The following DOK6 variants were observed in gnomAD, a reference collection of about 807,000 sequenced individuals.
The protein encoded by DOK6 is downstream of tyrosine kinase 6.
A neutral mutation model predicts 44.0 loss-of-function variants in DOK6; 22 were observed. The observed-to-expected ratio is 0.50, with a 90% CI of 0.36 to 0.71. The LOEUF is 0.71. Ranked by LOEUF, DOK6 falls within the 30% of genes least tolerant of loss-of-function variation. The pLI, the probability that DOK6 is intolerant of heterozygous loss-of-function variation, is 0.00. For missense variants in DOK6, 340 were observed against 416.4 expected (o/e 0.82, Z 1.60); for synonymous variants, 166 against 145.5 (o/e 1.14, Z -1.01).
intron 1 of DOK6, among the ~76,000 whole-genome samples, chr18:69,563,582 A>G (rs1568297492): frequency 2.1e-5 from 3 of 145,440 alleles, no homozygotes; most frequent in East Asian, 2.2e-4. Context: ...GTTCTCACTC[A>G]TAGGTGGGAA....
At chr18:69,764,271 C>A (rs1456708202) in intron 7 of DOK6, among the ~76,000 whole-genome samples, 1 of 152,126 alleles carries the variant, frequency 6.6e-6, no homozygotes, top group East Asian at 1.9e-4. Flanking sequence ...ATGAGCTGAA[C>A]ACAGTGCCCA....
intron 1 of DOK6, among the ~76,000 whole-genome samples, chr18:69,524,276 A>C (rs531652735): frequency 1.3e-5 from 2 of 152,182 alleles, no homozygotes; most frequent in East Asian, 3.9e-4. Flanking sequence ...CATTCTATTC[A>C]ATTACACAAC....
intron 1 of DOK6, among the ~76,000 whole-genome samples, chr18:69,500,308 T>C (rs1174232609): frequency 6.6e-6 from 1 of 152,178 alleles, no homozygotes; most frequent in African/African-American, 2.4e-5. Flanking sequence ...TTGTACTTGC[T>C]CCCTCCTCAA....
intron 3 of DOK6, among the ~76,000 whole-genome samples, chr18:69,616,750 A>C (rs1470250250): frequency 6.6e-6 from 1 of 152,198 alleles, no homozygotes; most frequent in Non-Finnish European, 1.5e-5. Context: ...CTCACTTCCA[A>C]GTTTTACCAT....
At chr18:69,593,883 C>A (rs979221386) in intron 2 of DOK6, among the ~76,000 whole-genome samples, 1 of 151,918 alleles carries the variant, frequency 6.6e-6, no homozygotes, top group Non-Finnish European at 1.5e-5. Context: ...TTGTGTTTAT[C>A]TTTTTATGTA....
intron 1 of DOK6, among the ~76,000 whole-genome samples, chr18:69,547,245 C>G (rs1030284703): frequency 1.3e-5 from 2 of 151,288 alleles, no homozygotes; most frequent in Admixed American, 6.6e-5. Flanking sequence ...GGATTACAGA[C>G]GCGCACCACC....
chr18:69,770,864 C>A (rs1318563369), intron 7 of DOK6, among the ~76,000 whole-genome samples: 2 of 151,570 alleles, frequency 1.3e-5, no homozygotes, highest in African/African-American at 2.4e-5. Context: ...CTAAATATTT[C>A]CTTTTCTTTT....
intron 5 of DOK6, among the ~76,000 whole-genome samples, chr18:69,729,503 T>A (rs1978337820): frequency 1.3e-5 from 1 of 75,542 alleles, no homozygotes; most frequent in Admixed American, 1.5e-4. Flanking sequence ...GACTTTAGTA[T>A]TTTTTTTTCT....
chr18:69,627,899 C>G (rs1234421580), intron 3 of DOK6, among the ~76,000 whole-genome samples: 2 of 152,142 alleles, frequency 1.3e-5, no homozygotes, highest in African/African-American at 4.8e-5. Context: ...TTTTCAATAT[C>G]ATTATCCACA....
At chr18:69,742,571 T>A (rs1978841707) in intron 6 of DOK6, among the ~76,000 whole-genome samples, 1 of 152,186 alleles carries the variant, frequency 6.6e-6, no homozygotes, top group Non-Finnish European at 1.5e-5. Context: ...GAATAAAAAA[T>A]TAATATTAAC....
chr18:69,716,854 C>A lies in DOK6; in HGVS notation c.599+18261C>A, dbSNP rs1361525568. Among the ~76,000 whole-genome samples, 4 of 152,102 alleles carry A rather than the reference C, an allele frequency of 2.6e-5. No homozygotes were observed. In the East Asian group the frequency reaches 5.8e-4, roughly 22 times the overall value. The stretch of plus-strand genomic sequence containing the variant: ...ATTTCCAAATGGGTACCCAAGTGAT[C>A]AAAGCCATCGACTCCACCCAGCACC... On this transcript the variant is annotated intron_variant, in intron 5 of 7. Coordinates refer to ENST00000382713, the MANE Select transcript of DOK6 (RefSeq NM_152721.6).
intron 3 of DOK6, among the ~76,000 whole-genome samples, chr18:69,614,692 A>G (rs1261828685): frequency 6.6e-6 from 1 of 152,046 alleles, no homozygotes; most frequent in African/African-American, 2.4e-5. Context: ...CATCCGTGTT[A>G]CAGCTGTAGA....
intron 1 of DOK6, among the ~76,000 whole-genome samples, chr18:69,417,770 T>C (rs925294785): frequency 2.6e-5 from 4 of 152,216 alleles, no homozygotes; most frequent in African/African-American, 9.6e-5. Flanking sequence ...GGTGAGATAA[T>C]ATCTCATTGT....
chr18:69,728,931 C>T (rs1978327990), intron 5 of DOK6, among the ~76,000 whole-genome samples: 1 of 152,124 alleles, frequency 6.6e-6, no homozygotes, highest in Non-Finnish European at 1.5e-5. Flanking sequence ...ATTTTTGTGA[C>T]ATCAAGGACA....
At chr18:69,504,173 A>C (rs1981122150) in intron 1 of DOK6, among the ~76,000 whole-genome samples, 1 of 152,072 alleles carries the variant, frequency 6.6e-6, no homozygotes, top group Admixed American at 6.5e-5. Flanking sequence ...CTAGATGAGT[A>C]GGTAACTTAA....
intron 1 of DOK6, among the ~76,000 whole-genome samples, chr18:69,555,473 A>T (rs1982664750): frequency 6.6e-6 from 1 of 152,220 alleles, no homozygotes; most frequent in South Asian, 2.1e-4. Context: ...ATATTTATCC[A>T]ACTATCCCAG....
chr18:69,551,897 T>G (rs764555055), intron 1 of DOK6, among the ~76,000 whole-genome samples: 3 of 152,228 alleles, frequency 2.0e-5, no homozygotes, highest in African/African-American at 2.4e-5. Context: ...AGAAAATCAC[T>G]TCTAAAATGT....
intron 1 of DOK6, among the ~76,000 whole-genome samples, chr18:69,519,853 C>G (rs1351581277): frequency 6.6e-6 from 1 of 151,744 alleles, no homozygotes; most frequent in Admixed American, 6.6e-5. Flanking sequence ...CTGTATTATG[C>G]TGGCATTGTC....
intron 1 of DOK6, among the ~76,000 whole-genome samples, chr18:69,481,198 G>A (rs1980409716): frequency 6.6e-6 from 1 of 151,986 alleles, no homozygotes; most frequent in South Asian, 2.1e-4. Context: ...GAGATACCAA[G>A]TCACATGTGT....
Sources: allele counts gnomAD v4.1 joint callset (sites outside exome capture counted in the v4.1 genomes callset), GRCh38; gene constraint gnomAD v4.1.1; transcripts MANE v1.5; gene names NCBI Gene and HGNC (gene_info 2026-07-23, HGNC 2026-07-21).